RCAN1: variants seen among roughly 807,000 people sequenced by gnomAD.
RCAN1 encodes the protein regulator of calcineurin 1, also known as calcipressin-1.
A neutral mutation model predicts 22.9 loss-of-function variants in RCAN1; 11 were observed. That is an observed-to-expected ratio of 0.48 (90% confidence interval 0.30 to 0.79). The LOEUF (loss-of-function observed/expected upper bound fraction) is 0.79, where lower values mean the gene tolerates loss of function less well. Among genes scored for constraint, RCAN1 ranks in the 30% least tolerant of loss-of-function variants. RCAN1 has a pLI of 0.06. For synonymous variants in RCAN1, 136 were observed against 142.3 expected, an observed-to-expected ratio of 0.96 and a Z score of 0.32; for missense variants, 291 against 337.8, an observed-to-expected ratio of 0.86 and a Z score of 1.09.
At chr21:34,544,534 T>C (rs1229628118) in intron 1 of RCAN1, among the ~76,000 whole-genome samples, 1 of 152,208 alleles carries the variant, frequency 6.6e-6, no homozygotes, top group Non-Finnish European at 1.5e-5. Flanking sequence ...CCTACAGACC[T>C]GTCAACTAAG....
chr21:34,589,975 C>A (rs938821576), intron 1 of RCAN1, among the ~76,000 whole-genome samples: 1 of 152,198 alleles, frequency 6.6e-6, no homozygotes, highest in Non-Finnish European at 1.5e-5. Context: ...GGTTCTGTTT[C>A]CCTGGAGAAC....
Position 34,521,214 on chromosome 21 carries a change from T to G in RCAN1, c.586+285A>C. 3.5e-6 allele frequency: 5 copies of G among 1,409,318 alleles called. No individual in the cohort carries two copies. In the South Asian group the frequency reaches 8.0e-5, roughly 23 times the overall value. The allele number at this position is 1,409,318 out of a possible 1,614,324, so 87.3% of individuals were successfully genotyped here. A position where few individuals can be genotyped will look rare whatever the true frequency, so the allele number is the denominator to read the frequency against. ...GGGCTCAGGCCTCCCACGCAGGCTGTGCTCAGTGGACACAGGAATGGATTC... is the reference window on the plus strand; with the variant it reads ...GGGCTCAGGCCTCCCACGCAGGCTGGGCTCAGTGGACACAGGAATGGATTC... On this transcript the variant is annotated intron_variant, in intron 3 of 3. Coordinates refer to ENST00000313806, the MANE Select transcript of RCAN1 (RefSeq NM_004414.7).
At chr21:34,584,114 A>C (rs1987712971) in intron 1 of RCAN1, among the ~76,000 whole-genome samples, 1 of 152,244 alleles carries the variant, frequency 6.6e-6, no homozygotes, top group Non-Finnish European at 1.5e-5. Flanking sequence ...AGCCTGGAAC[A>C]ATCACAGCCT....
At chr21:34,521,052 T>G in intron 3 of RCAN1, 1 of 1,180,654 alleles carries the variant, frequency 8.5e-7, no homozygotes, top group Non-Finnish European at 1.0e-6. Flanking sequence ...CCTTTTCCTT[T>G]AAGAAGGCCA....
At chr21:34,604,122 A>G (rs780561951) in intron 1 of RCAN1, among the ~76,000 whole-genome samples, 1 of 152,080 alleles carries the variant, frequency 6.6e-6, no homozygotes, top group Non-Finnish European at 1.5e-5. Flanking sequence ...ACTGGACAGA[A>G]TCCGTCTTGG....
In RCAN1 at chr21:34,518,007, G is replaced by T; in HGVS notation, c.*77C>A. 6.4e-7 allele frequency: 1 copy of T among 1,563,264 alleles called. No individual in the cohort carries two copies. Among genetic ancestry groups the T allele is most frequent in the Non-Finnish European group, 8.7e-7 (1 of 1,147,478 alleles). On this transcript the variant is annotated 3_prime_UTR_variant, in exon 4 of 4. Transcript: ENST00000313806. This position sits in a 1 kb window ranked among gnomAD's most constrained non-coding sequence, Gnocchi z 4.2. The stretch of plus-strand genomic sequence containing the variant: ...GATCTCGGCTGCCACCTCCGAAGAA[G>T]TCGTGACCAGCCACCTCCACAGTAA...
chr21:34,528,924 A>C (rs1360757911), intron 1 of RCAN1, among the ~76,000 whole-genome samples: 1 of 151,800 alleles, frequency 6.6e-6, no homozygotes, highest in Non-Finnish European at 1.5e-5. Flanking sequence ...GGCTCACCCG[A>C]ATATACAATT....
At chr21:34,525,894 T>C (rs961949619) in intron 1 of RCAN1, among the ~76,000 whole-genome samples, 3 of 150,528 alleles carry the variant, frequency 2.0e-5, no homozygotes, top group Admixed American at 6.6e-5. Flanking sequence ...TGGAGTTACA[T>C]TTGATTTTTT....
At chr21:34,519,402 T>TC (rs1399808986) in intron 3 of RCAN1, among the ~76,000 whole-genome samples, 1 of 141,940 alleles carries the variant, frequency 7.0e-6, no homozygotes, top group South Asian at 2.3e-4. Context: ...TCTTTCTTTT[T>TC]TTTTTTTTTT....
chr21:34,592,094 C>A (rs1040996577), intron 1 of RCAN1, among the ~76,000 whole-genome samples: 3 of 152,224 alleles, frequency 2.0e-5, no homozygotes, highest in Non-Finnish European at 4.4e-5. Flanking sequence ...ATCAAAACTC[C>A]CTGTGCTTGG....
chr21:34,583,176 G>A (rs898159849), intron 1 of RCAN1, among the ~76,000 whole-genome samples: 4 of 131,218 alleles, frequency 3.0e-5, no homozygotes, highest in Non-Finnish European at 4.7e-5. Context: ...TGGCGATAGG[G>A]CCTTTTTTTT....
intron 1 of RCAN1, among the ~76,000 whole-genome samples, chr21:34,605,078 C>T (rs1476582638): frequency 6.6e-6 from 1 of 152,172 alleles, no homozygotes; most frequent in Non-Finnish European, 1.5e-5. Context: ...AAGTATTGTT[C>T]CTGAATGTGT....
intron 2 of RCAN1, 24 bp downstream of exon 2, chr21:34,523,513 T>A (rs760367464): frequency 6.2e-7 from 1 of 1,611,266 alleles, no homozygotes. Flanking sequence ...GGGAGAAGCA[T>A]GCATAGCAAT....
At chr21:34,575,331 T>C (rs1024286163) in intron 1 of RCAN1, among the ~76,000 whole-genome samples, 1 of 152,148 alleles carries the variant, frequency 6.6e-6, no homozygotes. Flanking sequence ...CTTCCCTCCT[T>C]TCCTCCTTCT....
intron 1 of RCAN1, among the ~76,000 whole-genome samples, chr21:34,555,913 A>T (rs1283954285): frequency 6.6e-6 from 1 of 151,682 alleles, no homozygotes; most frequent in East Asian, 1.9e-4. Flanking sequence ...AATACAAAAA[A>T]TTAGCCGGGC....
chr21:34,611,405 G>A (rs1200635829), intron 1 of RCAN1, among the ~76,000 whole-genome samples: 1 of 152,100 alleles, frequency 6.6e-6, no homozygotes, highest in Non-Finnish European at 1.5e-5. Flanking sequence ...TATTGATCCT[G>A]AGCCAGCCAA....
At chr21:34,585,947 A>G (rs1463747844) in intron 1 of RCAN1, among the ~76,000 whole-genome samples, 1 of 152,104 alleles carries the variant, frequency 6.6e-6, no homozygotes, top group Non-Finnish European at 1.5e-5. Flanking sequence ...AGCAAAAAAG[A>G]TGGACATTTA....
At chr21:34,521,453 A>G in intron 3 of RCAN1, 46 bp downstream of exon 3, 1 of 1,613,200 alleles carries the variant, frequency 6.2e-7, no homozygotes. Flanking sequence ...GCAGGGCAGC[A>G]GCTGTGTCTC....
intron 1 of RCAN1, among the ~76,000 whole-genome samples, chr21:34,590,101 C>G (rs1987922561): frequency 6.6e-6 from 1 of 152,178 alleles, no homozygotes; most frequent in African/African-American, 2.4e-5. Flanking sequence ...TGCCAGAGGC[C>G]CTTGTGCCAA....
Sources: gnomAD v4.1 joint callset for allele counts (sites outside exome capture counted in the v4.1 genomes callset) on GRCh38, gnomAD v4.1.1 for gene constraint, Gnocchi (gnomAD v3.1) non-coding constraint, MANE v1.5 for transcripts, NCBI Gene and HGNC (gene_info 2026-07-23, HGNC 2026-07-21) for gene names.